The following WDR48 variants were observed in gnomAD, a reference collection of about 807,000 sequenced individuals.
WDR48 encodes WD repeat domain 48.
In WDR48, 22 loss-of-function variants were observed where a neutral mutation model predicts 94.0. The ratio of observed to expected loss-of-function variants is 0.23; its 90% confidence interval spans 0.17 to 0.33. The LOEUF (loss-of-function observed/expected upper bound fraction) is 0.33. Ranked by LOEUF, WDR48 falls within the 10% of genes least tolerant of loss-of-function variation. The pLI, the probability that WDR48 is intolerant of heterozygous loss-of-function variation, is 1.00. For missense variants in WDR48, 541 were observed against 813.8 expected, an observed-to-expected ratio of 0.66 and a Z score of 4.08; for synonymous variants, 278 against 280.5, an observed-to-expected ratio of 0.99 and a Z score of 0.09.
chr3:39,054,947 G>C (rs2032766434), intron 1 of WDR48, among the ~76,000 whole-genome samples: 1 of 152,248 alleles, frequency 6.6e-6, no homozygotes, highest in South Asian at 2.1e-4. Context: ...TGTGATTATA[G>C]ATAAGACAGG....
chr3:39,059,545 T>G (rs1183747976), intron 1 of WDR48, among the ~76,000 whole-genome samples: 1 of 152,234 alleles, frequency 6.6e-6, no homozygotes, highest in Admixed American at 6.5e-5. Context: ...GATGACTGTA[T>G]TTCCTGACCT....
In WDR48 at chr3:39,074,730, T is replaced by C; in HGVS notation, c.677T>C (p.Leu226Pro). Residue 226 changes from leucine (L) to proline (P), a missense_variant, in exon 8 of 19, where the codon CTG (leucine) becomes CCG (proline). Leu to Pro is a moderately conservative substitution (Grantham distance 98). Around this residue, in one of 5 missense-constraint regions of WDR48, gnomAD observed 104 missense variants for 189.7 expected, o/e 0.55. Coordinates refer to ENST00000302313, the MANE Select transcript of WDR48 (RefSeq NM_020839.4). The part of the protein sequence containing the change: ...LLLNRDGTQC[L>P]SGSSDGTIRL... ...TTTGCCTTTCTTTGTTTGCAGTGCC[T>C]GTCAGGCAGTTCTGATGGGACAATT... is the stretch of plus-strand genomic sequence containing the variant. 1 of 1,613,956 alleles carries C rather than the reference T, an allele frequency of 6.2e-7. No individual in the cohort carries two copies. The highest frequency in any genetic ancestry group is 8.5e-7 in the Non-Finnish European group (1 of 1,179,858).
At chr3:39,058,431 C>G (rs757751351) in intron 1 of WDR48, among the ~76,000 whole-genome samples, 1 of 152,218 alleles carries the variant, frequency 6.6e-6, no homozygotes, top group Non-Finnish European at 1.5e-5. Flanking sequence ...TACTTTCCAC[C>G]TAGAATGAGA....
chr3:39,094,719 C>T lies in WDR48; in HGVS notation c.2010C>T (p.Leu670=). The T allele has an allele frequency of 6.2e-7, 1 of 1,614,138 alleles. No homozygotes were observed. ...GGAAGAGCGGTGGAGACCTCACCCTCCATTACCGTCAGAAGTCCACGTGAA... is the reference window on the plus strand; with the variant it reads ...GGAAGAGCGGTGGAGACCTCACCCTTCATTACCGTCAGAAGTCCACGTGAA... The part of the protein sequence containing the change: ...FIWKSGGDLT[L]HYRQKST Residue 670 remains leucine, a synonymous_variant, in exon 19 of 19, where the codon CTC becomes CTT. Coordinates refer to ENST00000302313, the MANE Select transcript of WDR48 (RefSeq NM_020839.4).
chr3:39,078,059 A>G, intron 9 of WDR48, 78 bp from the exon 10 acceptor site: 1 of 1,102,300 alleles, frequency 9.1e-7, no homozygotes, highest in Non-Finnish European at 1.3e-6. Flanking sequence ...TTTTGACTTT[A>G]TTTTTCTTGC....
At chr3:39,092,457 A>G (rs970181630) in intron 17 of WDR48, among the ~76,000 whole-genome samples, 2 of 152,212 alleles carry the variant, frequency 1.3e-5, no homozygotes, top group African/African-American at 2.4e-5. Flanking sequence ...GATAGTGGAA[A>G]GTAACGTGAG....
intron 8 of WDR48, 151 bp downstream of exon 8, chr3:39,075,101 AC>A (rs1269080340): frequency 6.6e-6 from 5 of 759,928 alleles, no homozygotes; most frequent in Non-Finnish European, 1.0e-5. Context: ...GCAGAACTTG[AC>A]AGGGTAAGGA....
intron 11 of WDR48, among the ~76,000 whole-genome samples, chr3:39,082,188 G>C: frequency 6.6e-6 from 1 of 152,150 alleles, no homozygotes; most frequent in East Asian, 1.9e-4. Flanking sequence ...CAGGTGAAAG[G>C]TGATATTTGT....
chr3:39,082,597 A>T (rs2034596156), intron 11 of WDR48, among the ~76,000 whole-genome samples: 1 of 152,142 alleles, frequency 6.6e-6, no homozygotes, highest in Non-Finnish European at 1.5e-5. Flanking sequence ...TGATACTTTA[A>T]TGAAAGGAGT....
chr3:39,087,006 C>CAGGTGGGGGTACTAA (rs1388251794), intron 14 of WDR48, among the ~76,000 whole-genome samples: 13 of 152,152 alleles, frequency 8.5e-5, no homozygotes, highest in Admixed American at 4.6e-4. Flanking sequence ...TACCAAGTTT[C>CAGGTGGGGGTACTAA]AGGTGGGGGT....
chr3:39,085,660 TA>T, intron 14 of WDR48, 50 bp downstream of exon 14: 2 of 1,476,440 alleles, frequency 1.4e-6, no homozygotes, highest in Non-Finnish European at 9.3e-7. Context: ...GGTACTTACT[TA>T]AAAGGTACTT....
intron 10 of WDR48, among the ~76,000 whole-genome samples, chr3:39,079,431 C>G (rs2034406727): frequency 6.6e-6 from 1 of 152,224 alleles, no homozygotes; most frequent in African/African-American, 2.4e-5. Flanking sequence ...TGTCCCTCAA[C>G]AATTTTCCAC....
In WDR48 at chr3:39,068,869, A is replaced by G; in HGVS notation, c.570+10A>G. 6.5e-7 allele frequency: 1 copy of G among 1,544,972 alleles called. No homozygotes were observed. The highest frequency in any genetic ancestry group is 8.8e-7 in the Non-Finnish European group (1 of 1,140,656). ...AGGGTCCACTGAAAAGGTAAGGAGGAGCTTATTTCTTTATTTAAAAAAAAA... is the reference window on the plus strand; with the variant it reads ...AGGGTCCACTGAAAAGGTAAGGAGGGGCTTATTTCTTTATTTAAAAAAAAA... On this transcript the variant is annotated intron_variant, in intron 6 of 18. Transcript: ENST00000302313.
chr3:39,090,891 T>G (rs969293596), intron 16 of WDR48: 1 of 152,254 alleles, frequency 6.6e-6, no homozygotes, highest in Non-Finnish European at 1.5e-5. Context: ...GTCTTCTCTA[T>G]GCCTGAGCAC....
intron 10 of WDR48, among the ~76,000 whole-genome samples, chr3:39,079,233 A>G (rs1464953880): frequency 1.3e-5 from 2 of 152,332 alleles, no homozygotes; most frequent in East Asian, 3.9e-4. Context: ...TATGGCAAAA[A>G]AGCAGTATAT....
In WDR48 at chr3:39,066,752, G is replaced by C; in HGVS notation, c.358G>C (p.Val120Leu). 6.2e-7 allele frequency: 1 copy of C among 1,613,928 alleles called. No homozygotes were observed. The change falls in exon 5 of 19, where the codon GTA becomes CTA. Residue 120 changes from valine (V) to leucine (L), a missense_variant. Val to Leu is a conservative substitution (Grantham distance 32, BLOSUM62 1). This residue lies in a region of WDR48 where 104 missense variants were observed against 189.7 expected (regional missense o/e 0.55). Transcript: ENST00000302313. The stretch of plus-strand genomic sequence containing the variant: ...TATGTCTGTTCTATTACAGGATTAC[G>C]TAAAGGCCTTAGCATATGCCAAGGA... ...MSTLRTHKDY[V>L]KALAYAKDKE...
chr3:39,078,435 T>C (rs2034345496), intron 10 of WDR48, among the ~76,000 whole-genome samples, 196 bp downstream of exon 10: 1 of 152,122 alleles, frequency 6.6e-6, no homozygotes, highest in Admixed American at 6.5e-5. Flanking sequence ...TTTTGTTTTT[T>C]TGAGATGGAG....
intron 11 of WDR48, among the ~76,000 whole-genome samples, chr3:39,081,724 C>T (rs2034545049): frequency 6.6e-6 from 1 of 152,186 alleles, no homozygotes; most frequent in Non-Finnish European, 1.5e-5. Context: ...CTGATCAGGC[C>T]AGCTCCTCTT....
intron 5 of WDR48, 55 bp downstream of exon 5, chr3:39,066,930 G>C (rs893882283): frequency 5.1e-6 from 8 of 1,579,462 alleles, no homozygotes; most frequent in African/African-American, 1.4e-5. Context: ...CATAAATAAA[G>C]AATGGTTTAT....
Sources: gnomAD v4.1 joint callset for allele counts (sites outside exome capture counted in the v4.1 genomes callset) on GRCh38, gnomAD v4.1.1 for gene constraint, gnomAD v4.1.1 regional missense constraint, MANE v1.5 for transcripts, NCBI Gene and HGNC (gene_info 2026-07-23, HGNC 2026-07-21) for gene names.